Variants in ARHGAP6 observed in about 807,000 individuals in gnomAD.
ARHGAP6 encodes the protein rho GTPase-activating protein 6.
In ARHGAP6, 16 loss-of-function variants were observed where a neutral mutation model predicts 55.7. That is an observed-to-expected ratio of 0.29 (90% CI 0.19 to 0.44). The LOEUF is 0.44. Ranked by LOEUF, ARHGAP6 falls within the 20% of genes least tolerant of loss-of-function variation. The probability of loss-of-function intolerance (pLI) is 1.00; values close to 1 mark genes in which losing one functional copy is unlikely to be tolerated. For synonymous variants in ARHGAP6, 382 were observed against 360.9 expected, an observed-to-expected ratio of 1.06 and a Z score of -0.66; for missense variants, 698 against 808.9, an observed-to-expected ratio of 0.86 and a Z score of 1.66.
intron 1 of ARHGAP6, among the ~76,000 whole-genome samples, chrX:11,450,646 T>G: frequency 8.9e-6 from 1 of 111,808 alleles, no homozygotes; most frequent in Non-Finnish European, 1.9e-5. Flanking sequence ...CATACACTGG[T>G]TCTGCTAGTA....
intron 1 of ARHGAP6, among the ~76,000 whole-genome samples, chrX:11,548,598 CT>C (rs2051234846): frequency 9.7e-6 from 1 of 103,254 alleles, no homozygotes; most frequent in Non-Finnish European, 2.0e-5. Context: ...ATTTCACTTT[CT>C]TATGGCTGAA....
At chrX:11,601,467 T>C (rs927448984) in intron 1 of ARHGAP6, among the ~76,000 whole-genome samples, 2 of 111,789 alleles carry the variant, frequency 1.8e-5, no homozygotes, top group Non-Finnish European at 3.8e-5. Context: ...GCTGCACCAT[T>C]CATGGTACCA....
intron 10 of ARHGAP6, among the ~76,000 whole-genome samples, chrX:11,153,311 G>C (rs1232594965): frequency 9.1e-6 from 1 of 109,838 alleles, no homozygotes; most frequent in East Asian, 2.9e-4. Context: ...TGGATCACAA[G>C]GTCAGGAGTT....
intron 1 of ARHGAP6, among the ~76,000 whole-genome samples, chrX:11,568,583 C>A (rs892583381): frequency 3.6e-5 from 4 of 110,746 alleles, no homozygotes; most frequent in Non-Finnish European, 7.6e-5. Flanking sequence ...ATGGCAAAAC[C>A]CTGTCTCTAC....
chrX:11,489,340 T>C (rs1041168488), intron 1 of ARHGAP6, among the ~76,000 whole-genome samples: 27 of 111,587 alleles, frequency 2.4e-4, no homozygotes, highest in Admixed American at 3.8e-4. Context: ...AGGTGAACAA[T>C]AGCAGAAGGA....
rs765318345 is a variant in ARHGAP6, at chrX:11,160,481, C to T, written c.1810-3855G>A. ...CAAAAAAAAAAAAAAAATTTCGCTCCAAGCACTAATCCATTCTTGGATTTA... is the reference window on the plus strand; with the variant it reads ...CAAAAAAAAAAAAAAAATTTCGCTCTAAGCACTAATCCATTCTTGGATTTA... On this transcript the variant is annotated intron_variant, in intron 9 of 12. Transcript: ENST00000337414. 3.7e-5 allele frequency among the ~76,000 whole-genome samples: 4 copies of T among 109,323 alleles called. No homozygotes were observed. In the East Asian group the frequency reaches 1.1e-3, roughly 31 times the overall value. The allele number at this position is 109,323 out of a possible 115,157, so 94.9% of individuals were successfully genotyped here. A position where few individuals can be genotyped will look rare whatever the true frequency, so the allele number is the denominator to read the frequency against.
intron 1 of ARHGAP6, among the ~76,000 whole-genome samples, chrX:11,554,698 T>C (rs187361980): frequency 8.9e-5 from 10 of 112,400 alleles, no homozygotes; most frequent in African/African-American, 3.2e-4. Context: ...TTTACAGTTT[T>C]CTTGGTAGTT....
chrX:11,153,192 G>C (rs1437939260), intron 10 of ARHGAP6, among the ~76,000 whole-genome samples: 2 of 111,642 alleles, frequency 1.8e-5, no homozygotes, highest in African/African-American at 6.5e-5. Flanking sequence ...GATTCAGAAA[G>C]AGCATTTTAA....
At chrX:11,593,656 G>T (rs981304778) in intron 1 of ARHGAP6, among the ~76,000 whole-genome samples, 2 of 112,061 alleles carry the variant, frequency 1.8e-5, no homozygotes, top group African/African-American at 6.5e-5. Context: ...CAAACCTCTT[G>T]ATAATGGGAG....
At chrX:11,156,498 G>T (rs1252675379) in intron 10 of ARHGAP6, 31 bp downstream of exon 10, 2 of 1,131,298 alleles carry the variant, frequency 1.8e-6, no homozygotes, top group East Asian at 6.0e-5. Flanking sequence ...CTCCAATGCG[G>T]CTTTAGAAGA....
intron 1 of ARHGAP6, among the ~76,000 whole-genome samples, chrX:11,411,213 A>ATATATATATATATATATATATG (rs2049681354): frequency 1.2e-5 from 1 of 80,598 alleles, no homozygotes; most frequent in South Asian, 6.5e-4. Context: ...ATATATATAT[A>ATATATATATATATATATATATG]TATATATATA....
At chrX:11,489,721 G>A (rs752831195) in intron 1 of ARHGAP6, among the ~76,000 whole-genome samples, 13 of 111,862 alleles carry the variant, frequency 1.2e-4, no homozygotes, top group African/African-American at 4.2e-4. Flanking sequence ...CCACTGAAAT[G>A]AGTAGAAAAG....
chrX:11,178,147 T>A lies in ARHGAP6; in HGVS notation c.1582A>T (p.Ile528Phe). ...TTGTCATCGGCATGCCTGGCCACGA[T>A]GGAGAGGAACTGTAGCAGGCGGTGG... ...TLHRLLQFLS[I>F]VARHADDNIS... is the part of the protein sequence containing the mutation. Residue 528 changes from isoleucine to phenylalanine, a missense_variant, in exon 8 of 13, where the codon ATC (isoleucine) becomes TTC (phenylalanine). Around this residue, in one of 3 missense-constraint regions of ARHGAP6, gnomAD observed 322 missense variants for 451.1 expected, o/e 0.71. Transcript: ENST00000337414. 8.3e-7 allele frequency: 1 copy of A among 1,211,668 alleles called. No homozygotes were observed. Among genetic ancestry groups the A allele is most frequent in the Non-Finnish European group, 1.1e-6 (1 of 895,505 alleles).
intron 1 of ARHGAP6, among the ~76,000 whole-genome samples, chrX:11,625,055 G>A (rs1029277702): frequency 9.0e-6 from 1 of 111,705 alleles, no homozygotes; most frequent in Non-Finnish European, 1.9e-5. Context: ...GTATACTGTT[G>A]GTGGTAATGT....
intron 1 of ARHGAP6, among the ~76,000 whole-genome samples, chrX:11,271,649 T>A (rs1027361585): frequency 8.9e-6 from 1 of 111,951 alleles, no homozygotes; most frequent in African/African-American, 3.2e-5. Context: ...GCCTCTCGGT[T>A]TTACTGTAAG....
intron 1 of ARHGAP6, among the ~76,000 whole-genome samples, chrX:11,609,830 T>C (rs1297990929): frequency 1.8e-5 from 2 of 111,775 alleles, no homozygotes; most frequent in Non-Finnish European, 3.8e-5. Flanking sequence ...AAAGATGCCC[T>C]AGAAGAAAGA....
chrX:11,304,889 C>T (rs1361940806), intron 1 of ARHGAP6, among the ~76,000 whole-genome samples: 1 of 99,958 alleles, frequency 1.0e-5, no homozygotes, highest in African/African-American at 3.8e-5. Context: ...CAAATTCAAG[C>T]GATTCCCCTG....
chrX:11,343,444 TTTAAG>T (rs1461387800), intron 1 of ARHGAP6, among the ~76,000 whole-genome samples: 4 of 112,528 alleles, frequency 3.6e-5, no homozygotes, highest in African/African-American at 9.7e-5. Context: ...TGAATCATAT[TTTAAG>T]TTATTTGTAT....
intron 1 of ARHGAP6, among the ~76,000 whole-genome samples, chrX:11,560,333 T>C (rs945537334): frequency 8.9e-6 from 1 of 112,261 alleles, no homozygotes; most frequent in Admixed American, 9.4e-5. Context: ...GCAGGTTGAA[T>C]TTGGCCTGCA....
Sources: allele counts gnomAD v4.1 joint callset (sites outside exome capture counted in the v4.1 genomes callset), GRCh38; gene constraint gnomAD v4.1.1; regional missense constraint gnomAD v4.1.1; transcripts MANE v1.5; gene names NCBI Gene and HGNC (gene_info 2026-07-23, HGNC 2026-07-21).